The following NAALADL2 variants were observed in gnomAD, a reference collection of about 807,000 sequenced individuals.
NAALADL2 encodes inactive N-acetylated-alpha-linked acidic dipeptidase-like protein 2.
Under a neutral mutation model 87.2 loss-of-function variants are expected in NAALADL2, and 76 were observed. The ratio of observed to expected loss-of-function variants is 0.87; its 90% CI spans 0.72 to 1.05. NAALADL2 has a LOEUF of 1.05. NAALADL2 is among the 50% of genes least tolerant of loss of function. The probability of loss-of-function intolerance (pLI) is 0.00; values close to 1 mark genes in which losing one functional copy is unlikely to be tolerated. For synonymous variants in NAALADL2, 354 were observed against 331.0 expected (o/e 1.07, Z -0.75); for missense variants, 1,089 against 945.8 (o/e 1.15, Z -1.99).
intron 3 of NAALADL2, among the ~76,000 whole-genome samples, chr3:174,786,934 A>G (rs1716747892): frequency 6.6e-6 from 1 of 152,144 alleles, no homozygotes; most frequent in Non-Finnish European, 1.5e-5. Flanking sequence ...TAGCCATGTC[A>G]TGGTGATTGT....
chr3:174,541,724 T>TA (rs939875874), intron 1 of NAALADL2, among the ~76,000 whole-genome samples: 37 of 152,228 alleles, frequency 2.4e-4, no homozygotes, highest in East Asian at 7.7e-4. Context: ...AAATAGGCAG[T>TA]AAAAAATAAA....
chr3:174,511,181 C>G (rs1299978166), intron 1 of NAALADL2, among the ~76,000 whole-genome samples: 1 of 151,914 alleles, frequency 6.6e-6, no homozygotes, highest in Non-Finnish European at 1.5e-5. Context: ...TTAATTAGAT[C>G]AAGTCAGTTA....
intron 13 of NAALADL2, among the ~76,000 whole-genome samples, chr3:175,761,983 G>C (rs1748082745): frequency 6.6e-6 from 1 of 152,056 alleles, no homozygotes; most frequent in South Asian, 2.1e-4. Context: ...TTGCAGAGCA[G>C]AAGTTGTTAA....
intron 2 of NAALADL2, among the ~76,000 whole-genome samples, chr3:174,659,418 A>T (rs1725298827): frequency 6.6e-6 from 1 of 152,218 alleles, no homozygotes; most frequent in African/African-American, 2.4e-5. Flanking sequence ...TATTTGAAAG[A>T]TAGATAGCTA....
At chr3:174,552,795 C>CAAAAAAA (rs1164243901) in intron 2 of NAALADL2, among the ~76,000 whole-genome samples, 16 of 55,992 alleles carry the variant, frequency 2.9e-4, no homozygotes, top group African/African-American at 6.1e-4. Flanking sequence ...GACCCTGCCT[C>CAAAAAAA]AAAAAAAAAA....
rs140351490 is a variant in NAALADL2 at position 175,552,618 on chromosome 3, C to T, written c.1654-23423C>T. Among the ~76,000 whole-genome samples, 653 of 152,176 alleles carry T rather than the reference C, an allele frequency of 4.3e-3. 5 individuals carry two copies. The highest frequency in any genetic ancestry group is 0.017 in the Middle Eastern group (5 of 294). ...AATATGTGTGCTCTTGTCACATAGT[C>T]TTACAGTGCTATGTTGGAAGCTGAA... On this transcript the variant is annotated intron_variant, in intron 9 of 13. Coordinates refer to ENST00000454872, the MANE Select transcript of NAALADL2 (RefSeq NM_207015.3).
chr3:175,665,945 G>T (rs1027386105), intron 11 of NAALADL2, among the ~76,000 whole-genome samples: 1 of 151,818 alleles, frequency 6.6e-6, no homozygotes, highest in Non-Finnish European at 1.5e-5. Context: ...CAAAAAAAAG[G>T]TTTTATTATA....
intron 9 of NAALADL2, among the ~76,000 whole-genome samples, chr3:175,492,404 A>G (rs540033881): frequency 6.6e-6 from 1 of 152,288 alleles, no homozygotes; most frequent in East Asian, 1.9e-4. Flanking sequence ...ATTGTCCTTA[A>G]AGTATCTTAG....
intron 2 of NAALADL2, among the ~76,000 whole-genome samples, chr3:174,708,758 A>G (rs577910279): frequency 3.9e-5 from 6 of 152,216 alleles, no homozygotes; most frequent in South Asian, 2.1e-4. Context: ...ATTTTATCCA[A>G]TTTTCTTGTG....
In NAALADL2 at chr3:175,174,851, C is replaced by G. The variant is rs563019495; in HGVS notation, c.546-59080C>G. Among the ~76,000 whole-genome samples, 15 of 151,168 alleles carry G rather than the reference C, an allele frequency of 9.9e-5. No individual in the cohort carries two copies. The South Asian group carries it at 3.1e-3, about 32-fold the overall frequency. ...ACACACACATGCACACAGACACACACACACACACACACATATCTCTGTTAA... is the reference window on the plus strand; with the variant it reads ...ACACACACATGCACACAGACACACAGACACACACACACATATCTCTGTTAA... On this transcript the variant is annotated intron_variant, in intron 2 of 13. Transcript: ENST00000454872.
intron 13 of NAALADL2, among the ~76,000 whole-genome samples, chr3:175,798,703 G>T (rs999892267): frequency 3.3e-5 from 5 of 151,862 alleles, no homozygotes; most frequent in Non-Finnish European, 4.4e-5. Flanking sequence ...CATTTTTTTA[G>T]GATGTATTTT....
intron 12 of NAALADL2, among the ~76,000 whole-genome samples, chr3:175,739,047 A>G (rs1744907412): frequency 6.6e-6 from 1 of 152,296 alleles, no homozygotes; most frequent in South Asian, 2.1e-4. Flanking sequence ...TCAGAGAACA[A>G]AAGGAGTTTA....
intron 2 of NAALADL2, among the ~76,000 whole-genome samples, chr3:174,594,887 G>A (rs535017868): frequency 6.6e-6 from 1 of 152,278 alleles, no homozygotes; most frequent in Admixed American, 6.5e-5. Context: ...GTAGCTTTTT[G>A]TGTCCTAGTT....
intron 11 of NAALADL2, among the ~76,000 whole-genome samples, chr3:175,705,604 A>T (rs913031296): frequency 6.6e-6 from 1 of 152,034 alleles, no homozygotes; most frequent in African/African-American, 2.4e-5. Context: ...GCTACAGATT[A>T]TTTTATATGT....
chr3:175,759,644 C>A (rs906396589), intron 13 of NAALADL2, among the ~76,000 whole-genome samples: 2 of 152,144 alleles, frequency 1.3e-5, no homozygotes, highest in Non-Finnish European at 2.9e-5. Context: ...GCGTGAGCCA[C>A]CATGCCCAGC....
Position 174,461,231 on chromosome 3 carries a change from T to TGCATATGTTAATACTGATGTTATTACTG in NAALADL2, c.-184+20199_-184+20200insGCATATGTTAATACTGATGTTATTACTG, listed in dbSNP as rs1491509206. Among the ~76,000 whole-genome samples, 4 of 152,144 alleles carry TGCATATGTTAATACTGATGTTATTACTG rather than the reference T, an allele frequency of 2.6e-5. No homozygotes were observed. The East Asian group carries it at 5.8e-4, about 22-fold the overall frequency. ...TGAGTTGTATGCAAAATGAATGTTT[T>TGCATATGTTAATACTGATGTTATTACTG]ATGCCAATGTTAATACTGATGACTG... On this transcript the variant is annotated intron_variant, in intron 1 of 3. Transcript: ENST00000434257.
intron 1 of NAALADL2, among the ~76,000 whole-genome samples, chr3:175,026,419 G>A (rs1752231199): frequency 6.6e-6 from 1 of 150,654 alleles, no homozygotes; most frequent in Non-Finnish European, 1.5e-5. Context: ...GGCTGAGGCA[G>A]GCGGATCATG....
intron 2 of NAALADL2, among the ~76,000 whole-genome samples, chr3:175,107,229 G>C (rs1001878710): frequency 7.9e-5 from 12 of 151,988 alleles, no homozygotes; most frequent in African/African-American, 2.7e-4. Flanking sequence ...ATGAGATTGA[G>C]ATATAAATTA....
chr3:174,552,795 C>CAAAA (rs1164243901), intron 2 of NAALADL2, among the ~76,000 whole-genome samples: 9 of 55,990 alleles, frequency 1.6e-4, no homozygotes, highest in African/African-American at 2.8e-4. Context: ...GACCCTGCCT[C>CAAAA]AAAAAAAAAA....
Sources: allele counts gnomAD v4.1 joint callset (sites outside exome capture counted in the v4.1 genomes callset), GRCh38; gene constraint gnomAD v4.1.1; transcripts MANE v1.5; gene names NCBI Gene and HGNC (gene_info 2026-07-23, HGNC 2026-07-21).